The following NTNG1 variants were observed in gnomAD, a reference collection of about 807,000 sequenced individuals.
The protein encoded by NTNG1 is netrin-G1.
NTNG1 carries 16 observed loss-of-function variants against 54.0 expected under a neutral mutation model. The ratio of observed to expected loss-of-function variants is 0.30; its 90% CI spans 0.20 to 0.45. NTNG1 has a LOEUF of 0.45. Ranked by LOEUF, NTNG1 falls within the 20% of genes least tolerant of loss-of-function variation. NTNG1 has a pLI of 1.00. For synonymous variants in NTNG1, 255 were observed against 263.1 expected (o/e 0.97, Z 0.30); for missense variants, 530 against 678.7 (o/e 0.78, Z 2.43).
intron 3 of NTNG1, among the ~76,000 whole-genome samples, chr1:107,340,581 T>C (rs1050677707): frequency 2.0e-4 from 31 of 152,228 alleles, no homozygotes; most frequent in African/African-American, 7.5e-4. Flanking sequence ...ATCAGATTTT[T>C]CTACCAACAA....
At chr1:107,257,647 A>G (rs1220276387) in intron 2 of NTNG1, among the ~76,000 whole-genome samples, 1 of 152,198 alleles carries the variant, frequency 6.6e-6, no homozygotes, top group Non-Finnish European at 1.5e-5. Flanking sequence ...CTGCATGTAG[A>G]TGGGGGTCTA....
chr1:107,344,149 G>A (rs886953206), intron 3 of NTNG1, among the ~76,000 whole-genome samples: 2 of 151,940 alleles, frequency 1.3e-5, no homozygotes, highest in African/African-American at 4.8e-5. Context: ...TTTAGATTTT[G>A]TTACTTCTTC....
At chr1:107,234,789 A>T (rs540076757) in intron 2 of NTNG1, among the ~76,000 whole-genome samples, 2 of 152,324 alleles carry the variant, frequency 1.3e-5, no homozygotes, top group South Asian at 4.1e-4. Flanking sequence ...CAGTGATTAA[A>T]ATGAAGTGTG....
intron 6 of NTNG1, among the ~76,000 whole-genome samples, chr1:107,431,382 T>C (rs1675255741): frequency 6.6e-6 from 1 of 152,212 alleles, no homozygotes; most frequent in Non-Finnish European, 1.5e-5. Flanking sequence ...AAAATGTTGC[T>C]ATTTGAGATT....
intron 6 of NTNG1, among the ~76,000 whole-genome samples, chr1:107,432,455 T>C (rs1040070047): frequency 1.3e-5 from 2 of 152,186 alleles, no homozygotes; most frequent in African/African-American, 4.8e-5. Flanking sequence ...CTTTTACTTA[T>C]GGTATGTGTT....
At chr1:107,263,690 A>G (rs1222052352) in intron 2 of NTNG1, among the ~76,000 whole-genome samples, 1 of 152,202 alleles carries the variant, frequency 6.6e-6, no homozygotes, top group Non-Finnish European at 1.5e-5. Context: ...GTCTCCTTAC[A>G]AGCCTTATAA....
At chr1:107,184,306 A>C (rs1657290447) in intron 2 of NTNG1, among the ~76,000 whole-genome samples, 1 of 152,138 alleles carries the variant, frequency 6.6e-6, no homozygotes, top group Non-Finnish European at 1.5e-5. Flanking sequence ...CCTGTTCAAA[A>C]AAGGGAGACA....
intron 3 of NTNG1, among the ~76,000 whole-genome samples, chr1:107,388,189 A>G (rs1672135313): frequency 6.6e-6 from 1 of 152,204 alleles, no homozygotes; most frequent in South Asian, 2.1e-4. Context: ...CAGACAGCCC[A>G]AGTCCATAGT....
chr1:107,394,285 T>C (rs1303991321), intron 3 of NTNG1, among the ~76,000 whole-genome samples: 1 of 152,164 alleles, frequency 6.6e-6, no homozygotes, highest in African/African-American at 2.4e-5. Flanking sequence ...CCACTGCAAT[T>C]TTATAGTCAA....
At chr1:107,140,414 CG>C (rs568600722), upstream of NTNG1, among the ~76,000 whole-genome samples, 224 of 152,140 alleles carry the variant, frequency 1.5e-3, 1 homozygote, top group African/African-American at 5.1e-3. Flanking sequence ...GGGTCCCGGC[CG>C]GGAGCCGCTG....
chr1:107,184,510 C>T (rs1354826747), intron 2 of NTNG1, among the ~76,000 whole-genome samples: 1 of 152,124 alleles, frequency 6.6e-6, no homozygotes, highest in Non-Finnish European at 1.5e-5. Context: ...GACCTCACCC[C>T]CTTCATTTTA....
intron 2 of NTNG1, among the ~76,000 whole-genome samples, chr1:107,247,498 T>A (rs1662281897): frequency 6.6e-6 from 1 of 152,190 alleles, no homozygotes; most frequent in Non-Finnish European, 1.5e-5. Context: ...TAATAACGTC[T>A]TTCAGTGTGT....
chr1:107,412,143 G>C (rs1281458052), intron 5 of NTNG1, among the ~76,000 whole-genome samples: 1 of 151,484 alleles, frequency 6.6e-6, no homozygotes. Flanking sequence ...GCCTTTGCCA[G>C]TTATCTCTGT....
At chr1:107,376,163 G>C (rs565922532) in intron 3 of NTNG1, among the ~76,000 whole-genome samples, 13 of 152,294 alleles carry the variant, frequency 8.5e-5, no homozygotes, top group African/African-American at 2.9e-4. Context: ...GCTCACGCCT[G>C]TAATCCCAGC....
At chr1:107,231,625 C>T (rs1477021202) in intron 2 of NTNG1, among the ~76,000 whole-genome samples, 1 of 151,812 alleles carries the variant, frequency 6.6e-6, no homozygotes, top group Non-Finnish European at 1.5e-5. Flanking sequence ...TGTTAAATTA[C>T]ATTGCCTCTC....
intron 2 of NTNG1, among the ~76,000 whole-genome samples, chr1:107,284,991 T>C (rs1315824244): frequency 6.6e-6 from 1 of 152,098 alleles, no homozygotes; most frequent in Non-Finnish European, 1.5e-5. Flanking sequence ...GTGAATAATT[T>C]GTATCTCACT....
At chr1:107,349,123 C>T (rs1457591566) in intron 3 of NTNG1, among the ~76,000 whole-genome samples, 4 of 152,148 alleles carry the variant, frequency 2.6e-5, no homozygotes, top group Non-Finnish European at 5.9e-5. Flanking sequence ...CAAGCTTGTT[C>T]CTGCTTCAGG....
intron 5 of NTNG1, among the ~76,000 whole-genome samples, chr1:107,426,658 CT>C (rs1209227746): frequency 1.3e-5 from 2 of 151,312 alleles, no homozygotes; most frequent in Non-Finnish European, 3.0e-5. Context: ...GCTATTTGGG[CT>C]TTTTTTGGGG....
At chr1:107,377,033 C>G (rs576623014) in intron 3 of NTNG1, among the ~76,000 whole-genome samples, 1 of 152,196 alleles carries the variant, frequency 6.6e-6, no homozygotes, top group African/African-American at 2.4e-5. Context: ...GTGCCCTGAG[C>G]CTGATATGTG....
Sources: gnomAD v4.1 joint callset for allele counts (sites outside exome capture counted in the v4.1 genomes callset) on GRCh38, gnomAD v4.1.1 for gene constraint, MANE v1.5 for transcripts, NCBI Gene and HGNC (gene_info 2026-07-23, HGNC 2026-07-21) for gene names.